The following SGCD variants were observed in gnomAD, a reference collection of about 807,000 sequenced individuals.
The protein encoded by SGCD is delta-sarcoglycan.
In SGCD, 18 loss-of-function variants were observed where a neutral mutation model predicts 36.6. The ratio of observed to expected loss-of-function variants is 0.49; its 90% CI spans 0.34 to 0.73. SGCD has a LOEUF of 0.73. Among genes scored for constraint, SGCD ranks in the 30% least tolerant of loss-of-function variants. The pLI, the probability that SGCD is intolerant of heterozygous loss-of-function variation, is 0.01. For missense variants in SGCD, 387 were observed against 346.7 expected (o/e 1.12, Z -0.92); for synonymous variants, 133 against 130.6 (o/e 1.02, Z -0.12).
intron 3 of SGCD, among the ~76,000 whole-genome samples, chr5:156,493,132 T>G (rs187957511): frequency 6.6e-6 from 1 of 152,280 alleles, no homozygotes; most frequent in East Asian, 1.9e-4. Context: ...CCTTGAGGAA[T>G]CACCACACTG....
At chr5:156,738,111 T>C (rs185979358) in intron 7 of SGCD, among the ~76,000 whole-genome samples, 13 of 152,372 alleles carry the variant, frequency 8.5e-5, no homozygotes, top group African/African-American at 2.6e-4. Context: ...GGTCATTAGA[T>C]GTTCTGAGAG....
chr5:156,362,687 T>C (rs1211976260), intron 3 of SGCD, among the ~76,000 whole-genome samples: 1 of 152,100 alleles, frequency 6.6e-6, no homozygotes, highest in Non-Finnish European at 1.5e-5. Context: ...ATAGTGTGAC[T>C]ACTGTGAACC....
chr5:156,487,813 A>AAAAAAG (rs1554107842), intron 3 of SGCD, among the ~76,000 whole-genome samples: 2 of 77,812 alleles, frequency 2.6e-5, no homozygotes, highest in African/African-American at 8.7e-5. Flanking sequence ...AAAAAAAAAA[A>AAAAAAG]AAAGAAAGAA....
the SGCD span, among the ~76,000 whole-genome samples, chr5:155,756,494 G>C: frequency 3.3e-5 from 5 of 152,086 alleles, no homozygotes; most frequent in African/African-American, 1.2e-4. Flanking sequence ...CAAGAAAAGA[G>C]ACCTTCTGTG....
At chr5:156,717,018 T>G (rs1042425951) in intron 7 of SGCD, among the ~76,000 whole-genome samples, 1 of 152,246 alleles carries the variant, frequency 6.6e-6, no homozygotes, top group Non-Finnish European at 1.5e-5. Flanking sequence ...AATTATGTAG[T>G]GAGATTTAAT....
At chr5:156,460,215 A>G (rs1006778487) in intron 3 of SGCD, among the ~76,000 whole-genome samples, 1 of 152,202 alleles carries the variant, frequency 6.6e-6, no homozygotes, top group Non-Finnish European at 1.5e-5. Flanking sequence ...GATGTAATTT[A>G]TAAAGCCAGA....
chr5:156,221,132 A>G (rs1764707774), intron 3 of SGCD, among the ~76,000 whole-genome samples: 1 of 152,132 alleles, frequency 6.6e-6, no homozygotes, highest in Middle Eastern at 3.2e-3. Flanking sequence ...TCACATTGCT[A>G]TAACGGAATA....
At chr5:155,920,142 C>T (rs190450204) in intron 1 of SGCD, among the ~76,000 whole-genome samples, 37 of 152,326 alleles carry the variant, frequency 2.4e-4, no homozygotes, top group Admixed American at 2.3e-3. Context: ...AAATGATCAA[C>T]ATCTAACCCT....
intron 3 of SGCD, among the ~76,000 whole-genome samples, chr5:156,289,178 C>A (rs1259499279): frequency 1.3e-5 from 2 of 152,070 alleles, no homozygotes; most frequent in Non-Finnish European, 2.9e-5. Context: ...CGTGGATATT[C>A]ATAGCACACA....
the SGCD span, among the ~76,000 whole-genome samples, chr5:155,752,242 C>T: frequency 6.6e-6 from 1 of 152,180 alleles, no homozygotes; most frequent in Non-Finnish European, 1.5e-5. Flanking sequence ...AAGAAGTAAA[C>T]ATGATCTGAT....
At chr5:156,209,751 T>C (rs562817595) in intron 3 of SGCD, among the ~76,000 whole-genome samples, 1 of 152,256 alleles carries the variant, frequency 6.6e-6, no homozygotes, top group Non-Finnish European at 1.5e-5. Flanking sequence ...TGGCCTCAGG[T>C]CTCAGCAGAC....
intron 7 of SGCD, among the ~76,000 whole-genome samples, chr5:156,696,318 C>G (rs570292839): frequency 6.6e-6 from 1 of 152,218 alleles, no homozygotes; most frequent in African/African-American, 2.4e-5. Flanking sequence ...TCCCAGAGTC[C>G]TGGGCCATAG....
intron 1 of SGCD, among the ~76,000 whole-genome samples, chr5:156,327,763 G>C (rs1043781767): frequency 6.6e-6 from 1 of 152,110 alleles, no homozygotes; most frequent in Non-Finnish European, 1.5e-5. Flanking sequence ...GTGTGTATGG[G>C]TTTCTAAAAT....
At chr5:156,728,373 G>A (rs886907357) in intron 7 of SGCD, among the ~76,000 whole-genome samples, 32 of 151,888 alleles carry the variant, frequency 2.1e-4, no homozygotes, top group Admixed American at 6.6e-4. Flanking sequence ...CTAGCCGAGT[G>A]TGGTGGCAAT....
At chr5:156,756,735 C>T (rs1032488640) in intron 7 of SGCD, among the ~76,000 whole-genome samples, 1 of 152,116 alleles carries the variant, frequency 6.6e-6, no homozygotes. Flanking sequence ...CACTCATCTG[C>T]AAGTTTTCAC....
intron 1 of SGCD, among the ~76,000 whole-genome samples, chr5:155,949,343 G>T (rs1757505736): frequency 6.6e-6 from 1 of 152,116 alleles, no homozygotes; most frequent in African/African-American, 2.4e-5. Flanking sequence ...TCATAAGAAA[G>T]ATGGCTAGTC....
chr5:155,906,947 T>G (rs952575398), intron 1 of SGCD, among the ~76,000 whole-genome samples: 4 of 151,698 alleles, frequency 2.6e-5, no homozygotes, highest in African/African-American at 7.3e-5. Context: ...ATATAGTACT[T>G]TCATAGCTAG....
chr5:156,664,438 C>T (rs200852546), intron 7 of SGCD, among the ~76,000 whole-genome samples: 7,239 of 84,056 alleles, frequency 0.086, 1 homozygote, highest in South Asian at 0.1. Flanking sequence ...CTCTTTTGAA[C>T]CTTGTCTTAC....
intron 1 of SGCD, among the ~76,000 whole-genome samples, chr5:156,103,721 A>T (rs1198776037): frequency 6.6e-6 from 1 of 152,164 alleles, no homozygotes; most frequent in African/African-American, 2.4e-5. Context: ...TTATGATGAT[A>T]TATTAGATTT....
Sources: gnomAD v4.1 joint callset for allele counts (sites outside exome capture counted in the v4.1 genomes callset) on GRCh38, gnomAD v4.1.1 for gene constraint, MANE v1.5 for transcripts, NCBI Gene and HGNC (gene_info 2026-07-23, HGNC 2026-07-21) for gene names.